CACNA1C: variants seen among roughly 807,000 people sequenced by gnomAD.
CACNA1C encodes the protein calcium voltage-gated channel subunit alpha1 C.
Under a neutral mutation model 229.0 loss-of-function variants are expected in CACNA1C, and 30 were observed. The observed-to-expected ratio is 0.13, with a 90% CI of 0.10 to 0.18. CACNA1C has a LOEUF of 0.18. Among genes scored for constraint, CACNA1C ranks in the 10% least tolerant of loss-of-function variants. The pLI, the probability that CACNA1C is intolerant of heterozygous loss-of-function variation, is 1.00. For synonymous variants in CACNA1C, 1,114 were observed against 1,132.5 expected (o/e 0.98, Z 0.33); for missense variants, 1,658 against 2,845.0 (o/e 0.58, Z 9.49).
At chr12:2,206,144 G>C (rs549540367) in intron 3 of CACNA1C, among the ~76,000 whole-genome samples, 3 of 152,186 alleles carry the variant, frequency 2.0e-5, no homozygotes, top group African/African-American at 7.2e-5. Context: ...ATGGCTCCGC[G>C]TAAACCGTGT....
intron 2 of CACNA1C, among the ~76,000 whole-genome samples, chr12:2,119,891 T>A (rs536758180): frequency 9.2e-5 from 14 of 152,288 alleles, no homozygotes; most frequent in Non-Finnish European, 1.9e-4. Context: ...TCTCTCTGTC[T>A]TGGAATCCTG....
chr12:1,977,526 C>T (rs1004687644), intron 1 of CACNA1C, among the ~76,000 whole-genome samples: 2 of 152,088 alleles, frequency 1.3e-5, no homozygotes, highest in African/African-American at 2.4e-5. Flanking sequence ...AAGTGATTTG[C>T]GAATTTTGTT....
chr12:2,123,677 C>G (rs768824379), intron 3 of CACNA1C, among the ~76,000 whole-genome samples: 3 of 152,192 alleles, frequency 2.0e-5, no homozygotes, highest in African/African-American at 4.8e-5. Flanking sequence ...CATTGCTGGC[C>G]TTGCTGTCAC....
At chr12:2,546,938 C>A (rs1390350433) in intron 9 of CACNA1C, among the ~76,000 whole-genome samples, 1 of 152,120 alleles carries the variant, frequency 6.6e-6, no homozygotes, top group East Asian at 1.9e-4. Context: ...GTGCAAATAG[C>A]AAGGAAGCCC....
intron 11 of CACNA1C, among the ~76,000 whole-genome samples, chr12:2,563,672 GA>G (rs2048695071): frequency 6.6e-6 from 1 of 152,242 alleles, no homozygotes. Flanking sequence ...ATCATAGATA[GA>G]AAAATGACAG....
intron 1 of CACNA1C, chr12:2,004,223 G>A: frequency 1.3e-6 from 2 of 1,597,314 alleles, no homozygotes; most frequent in Non-Finnish European, 1.7e-6. Flanking sequence ...TCCTGAGTCT[G>A]ACGCCCCCCG....
intron 3 of CACNA1C, among the ~76,000 whole-genome samples, chr12:2,175,523 T>C (rs1016185581): frequency 1.3e-4 from 20 of 152,146 alleles, no homozygotes; most frequent in African/African-American, 4.8e-4. Context: ...CCAGCTGTGG[T>C]TATGCCCCTT....
chr12:2,586,163 T>G (rs951662774), intron 18 of CACNA1C, among the ~76,000 whole-genome samples: 1 of 152,166 alleles, frequency 6.6e-6, no homozygotes, highest in Non-Finnish European at 1.5e-5. Flanking sequence ...GGATTCAGTG[T>G]ACATTTAAAT....
At chr12:2,259,603 G>T (rs930821076) in intron 3 of CACNA1C, among the ~76,000 whole-genome samples, 1 of 152,076 alleles carries the variant, frequency 6.6e-6, no homozygotes, top group African/African-American at 2.4e-5. Flanking sequence ...TATTTTTTTG[G>T]CCCGGAGACA....
rs559160798 is a variant in CACNA1C at position 2,100,779 on chromosome 12, G to A, written c.50-14445G>A. Among the ~76,000 whole-genome samples the A allele has an allele frequency of 7.3e-5, 11 of 150,982 alleles. No individual in the cohort carries two copies. The South Asian group carries it at 2.3e-3, about 32-fold the overall frequency. ...TCAAAAAAAGAAAAAAAGGTCGGGGGCAGTGGCTCATACCTGTAATCCTAG... is the reference window on the plus strand; with the variant it reads ...TCAAAAAAAGAAAAAAAGGTCGGGGACAGTGGCTCATACCTGTAATCCTAG... On this transcript the variant is annotated intron_variant, in intron 1 of 46. Transcript: ENST00000399655.
In CACNA1C at chr12:2,610,727, G is replaced by A. The variant is rs753584658; in HGVS notation, c.3717+28G>A. The stretch of plus-strand genomic sequence containing the variant: ...CAGTCCCAGGAGGAGCACAGCCATG[G>A]TGCTGCAGAAGGGAGTGTGCCATGG... On this transcript the variant is annotated intron_variant, in intron 28 of 46. Coordinates refer to ENST00000399655, the MANE Select transcript of CACNA1C (RefSeq NM_000719.7). 14 of 1,613,028 alleles carry A rather than the reference G, an allele frequency of 8.7e-6. No individual in the cohort carries two copies. In the South Asian group the frequency reaches 1.3e-4, roughly 15 times the overall value.
At chr12:2,680,497 C>A in intron 42 of CACNA1C, 1 of 1,570,452 alleles carries the variant, frequency 6.4e-7, no homozygotes, top group Non-Finnish European at 8.6e-7. Flanking sequence ...TGCATCGTGC[C>A]TGGCCACGCT....
intron 9 of CACNA1C, among the ~76,000 whole-genome samples, chr12:2,524,858 C>T (rs1385719417): frequency 6.6e-6 from 1 of 152,156 alleles, no homozygotes; most frequent in African/African-American, 2.4e-5. Context: ...ACTAAGTGCT[C>T]GGGGGCAGAA....
In CACNA1C at chr12:2,679,749, C is replaced by T. The variant is rs1318110164; in HGVS notation, c.5397C>T (p.Ser1799=). 6.3e-7 allele frequency: 1 copy of T among 1,597,088 alleles called. No individual in the cohort carries two copies. Among genetic ancestry groups the T allele is most frequent in the Admixed American group, 1.7e-5 (1 of 57,570 alleles). ...TGGAGGGCCACGGGCCCCCCTTGTC[C>T]CCTGCCATCCGGGTGCAGGAGGTGG... is the stretch of plus-strand genomic sequence containing the variant. ...STVEGHGPPL[S]PAIRVQEVAW... is the part of the protein sequence containing the mutation. Residue 1799 remains serine, a synonymous_variant, in exon 42 of 47, where the codon TCC becomes TCT. Transcript: ENST00000399655. This position sits in a 1 kb window ranked among gnomAD's most constrained non-coding sequence, Gnocchi z 5.5.
At chr12:1,975,559 T>C (rs943935498) in intron 1 of CACNA1C, among the ~76,000 whole-genome samples, 1 of 152,160 alleles carries the variant, frequency 6.6e-6, no homozygotes, top group African/African-American at 2.4e-5. Context: ...GAACCCAGCT[T>C]TTCTCTGCCA....
intron 3 of CACNA1C, among the ~76,000 whole-genome samples, chr12:2,427,115 T>C (rs925635239): frequency 1.3e-5 from 2 of 152,088 alleles, no homozygotes; most frequent in Non-Finnish European, 2.9e-5. Context: ...AGGAAGGACA[T>C]AGAAAGGATG....
intron 9 of CACNA1C, among the ~76,000 whole-genome samples, chr12:2,546,141 G>A (rs911678000): frequency 2.6e-5 from 4 of 151,676 alleles, no homozygotes; most frequent in African/African-American, 9.7e-5. Flanking sequence ...ACACTCTTCC[G>A]TGCAGTGGCT....
chr12:2,685,671 A>T, intron 43 of CACNA1C, 65 bp from the exon 44 acceptor site: 1 of 1,197,258 alleles, frequency 8.4e-7, no homozygotes, highest in Non-Finnish European at 1.2e-6. Flanking sequence ...CCGGGGGTGC[A>T]GCTGTCCCTG....
chr12:2,395,439 G>A (rs1271019734), intron 3 of CACNA1C, among the ~76,000 whole-genome samples: 1 of 152,036 alleles, frequency 6.6e-6, no homozygotes, highest in Non-Finnish European at 1.5e-5. Context: ...GGCTGGTCTC[G>A]AACTCCTGGC....
Sources: allele counts gnomAD v4.1 joint callset (sites outside exome capture counted in the v4.1 genomes callset), GRCh38; gene constraint gnomAD v4.1.1; non-coding constraint Gnocchi (gnomAD v3.1); transcripts MANE v1.5; gene names NCBI Gene and HGNC (gene_info 2026-07-23, HGNC 2026-07-21).